ASRGL1: variants seen among roughly 807,000 people sequenced by gnomAD.
ASRGL1 encodes the protein isoaspartyl peptidase/L-asparaginase.
Under a neutral mutation model 22.4 loss-of-function variants are expected in ASRGL1, and 16 were observed. The ratio of observed to expected loss-of-function variants is 0.71; its 90% CI spans 0.48 to 1.08. ASRGL1 has a LOEUF of 1.08. ASRGL1 is among the 50% of genes least tolerant of loss of function. The probability of loss-of-function intolerance (pLI) is 0.00; values close to 1 mark genes in which losing one functional copy is unlikely to be tolerated. For synonymous variants in ASRGL1, 165 were observed against 159.3 expected (o/e 1.04, Z -0.27); for missense variants, 412 against 410.1 (o/e 1.00, Z -0.04).
chr11:62,346,154 C>T (rs953577304), intron 2 of ASRGL1, among the ~76,000 whole-genome samples: 1 of 152,200 alleles, frequency 6.6e-6, no homozygotes, highest in African/African-American at 2.4e-5. Context: ...CTTGTCACTT[C>T]TACTTCCGAC....
At position 62,338,020 on chromosome 11, in the gene ASRGL1, A is replaced by G. The variant is rs1427973839; in HGVS notation, c.43A>G (p.Ile15Val). ...VVVHGGGAGPISKDRKERVHQ... is the reference protein window; with the variant it reads ...VVVHGGGAGPVSKDRKERVHQ... Reference sequence around the variant, plus strand: ...GGTCCACGGCGGCGGAGCCGGTCCCATCTCCAAGGATCGGAAGGAGCGAGT... The same window carrying G: ...GGTCCACGGCGGCGGAGCCGGTCCCGTCTCCAAGGATCGGAAGGAGCGAGT... Residue 15 changes from isoleucine to valine, a missense_variant, in exon 2 of 7, where the codon ATC becomes GTC. Transcript: ENST00000415229. 1 of 1,607,386 alleles carries G rather than the reference A, an allele frequency of 6.2e-7. No individual in the cohort carries two copies. Among genetic ancestry groups the G allele is most frequent in the Non-Finnish European group, 8.5e-7 (1 of 1,177,482 alleles).
At chr11:62,352,019 A>G (rs564833653) in intron 2 of ASRGL1, among the ~76,000 whole-genome samples, 10 of 152,154 alleles carry the variant, frequency 6.6e-5, no homozygotes, top group African/African-American at 2.4e-4. Flanking sequence ...GCTGGCAACA[A>G]ATTGTTTCCA....
intron 4 of ASRGL1, chr11:62,382,485 C>T (rs1947095808): frequency 6.6e-6 from 1 of 151,996 alleles, no homozygotes; most frequent in African/African-American, 2.4e-5. Flanking sequence ...GCACCTCTCA[C>T]CTCCAGCCCT....
chr11:62,373,280 C>T, intron 4 of ASRGL1: 1 of 675,550 alleles, frequency 1.5e-6, no homozygotes. Context: ...CAAAAGTGGA[C>T]CGAAGGTGCA....
At chr11:62,341,543 C>A (rs1390383909) in intron 2 of ASRGL1, among the ~76,000 whole-genome samples, 1 of 151,998 alleles carries the variant, frequency 6.6e-6, no homozygotes, top group African/African-American at 2.4e-5. Flanking sequence ...TCTGGACTTA[C>A]AATGTAGAAT....
chr11:62,359,121 C>A (rs1036205004), intron 4 of ASRGL1, among the ~76,000 whole-genome samples: 13 of 152,114 alleles, frequency 8.5e-5, no homozygotes, highest in African/African-American at 3.1e-4. Context: ...TGTTACTCTT[C>A]AGTTTGTGTA....
At chr11:62,349,157 C>CG (rs1946109935) in intron 2 of ASRGL1, among the ~76,000 whole-genome samples, 2 of 151,960 alleles carry the variant, frequency 1.3e-5, no homozygotes, top group African/African-American at 2.4e-5. Flanking sequence ...TTAGTAGAGA[C>CG]GGGGTTTCAC....
the ASRGL1 span, among the ~76,000 whole-genome samples, chr11:62,399,216 C>CA: frequency 6.6e-6 from 1 of 150,532 alleles, no homozygotes; most frequent in African/African-American, 2.4e-5. Context: ...AACTCCAACT[C>CA]AAAAAAAAAG....
chr11:62,380,755 A>G (rs1227370062), intron 4 of ASRGL1, among the ~76,000 whole-genome samples: 1 of 152,030 alleles, frequency 6.6e-6, no homozygotes, highest in Non-Finnish European at 1.5e-5. Flanking sequence ...TCCCTCTTTC[A>G]TATCTTTTAA....
At chr11:62,349,586 C>T (rs1299050209) in intron 2 of ASRGL1, among the ~76,000 whole-genome samples, 4 of 152,198 alleles carry the variant, frequency 2.6e-5, no homozygotes, top group Admixed American at 2.6e-4. Flanking sequence ...CTAGCAATCA[C>T]TATCTCTTTC....
chr11:62,354,322 A>C (rs1946229061), intron 2 of ASRGL1, among the ~76,000 whole-genome samples: 1 of 152,232 alleles, frequency 6.6e-6, no homozygotes, highest in Admixed American at 6.5e-5. Context: ...TCCGTTATCT[A>C]TGGGGGATGT....
chr11:62,376,100 CAAAAAAAAAAAA>C (rs35931241), intron 4 of ASRGL1, among the ~76,000 whole-genome samples: 9 of 51,552 alleles, frequency 1.7e-4, no homozygotes, highest in East Asian at 9.3e-4. Flanking sequence ...GACTCCATCT[CAAAAAAAAAAAA>C]AAAAAAAAAA....
chr11:62,354,049 A>G lies in ASRGL1; in HGVS notation c.191-2276A>G, dbSNP rs147496269. 2.3e-3 allele frequency among the ~76,000 whole-genome samples: 350 copies of G among 152,340 alleles called. 1 individual carries two copies. Among genetic ancestry groups the G allele is most frequent in the African/African-American group, 8.1e-3 (336 of 41,582 alleles). ...CTGGCATGTAATCAGGGCAGCAAAC[A>G]CTTACTGTTTGCCTACACATGCTAG... On this transcript the variant is annotated intron_variant, in intron 2 of 6. Coordinates refer to ENST00000415229, the MANE Select transcript of ASRGL1 (RefSeq NM_001083926.2).
chr11:62,369,055 C>A (rs1002664252), intron 4 of ASRGL1, among the ~76,000 whole-genome samples: 1 of 152,084 alleles, frequency 6.6e-6, no homozygotes, highest in Non-Finnish European at 1.5e-5. Flanking sequence ...GGCTGGGGGA[C>A]GGTCAGGTCT....
At chr11:62,372,154 G>C (rs1461101178) in intron 4 of ASRGL1, 1 of 893,208 alleles carries the variant, frequency 1.1e-6, no homozygotes, top group Non-Finnish European at 1.9e-6. Context: ...AGAAGGCGCA[G>C]CTGGGACATG....
intron 4 of ASRGL1, chr11:62,371,084 T>C (rs1359608952): frequency 3.2e-6 from 2 of 617,746 alleles, no homozygotes; most frequent in Non-Finnish European, 5.0e-6. Flanking sequence ...TTTAGTTGCT[T>C]CTCTTCCTTT....
chr11:62,391,215 A>G (rs1947328229), intron 5 of ASRGL1, among the ~76,000 whole-genome samples: 1 of 152,168 alleles, frequency 6.6e-6, no homozygotes, highest in Non-Finnish European at 1.5e-5. Context: ...GGAGACAGGG[A>G]GAGGGTGGCT....
chr11:62,359,662 G>T (rs1402333070), intron 4 of ASRGL1, among the ~76,000 whole-genome samples: 1 of 152,088 alleles, frequency 6.6e-6, no homozygotes, highest in African/African-American at 2.4e-5. Flanking sequence ...TGCAGCTTCT[G>T]TAAGTGCACA....
Position 62,372,982 on chromosome 11 carries a change from T to C in ASRGL1, c.491+15838T>C, listed in dbSNP as rs1025222162. ...ATCAGCTGGGGCCCATCACCGACCTTTGGGGAACTGGGCTACAGGGATCAC... is the reference window on the plus strand; with the variant it reads ...ATCAGCTGGGGCCCATCACCGACCTCTGGGGAACTGGGCTACAGGGATCAC... On this transcript the variant is annotated intron_variant, in intron 4 of 6. Coordinates refer to ENST00000415229, the MANE Select transcript of ASRGL1 (RefSeq NM_001083926.2). 14 of 1,432,796 alleles carry C rather than the reference T, an allele frequency of 9.8e-6. No homozygotes were observed. The African/African-American group carries it at 1.8e-4, about 19-fold the overall frequency. The allele number at this position is 1,432,796 out of a possible 1,614,324, so 88.8% of individuals were successfully genotyped here. A position where few individuals can be genotyped will look rare whatever the true frequency, so the allele number is the denominator to read the frequency against.
Sources: allele counts gnomAD v4.1 joint callset (sites outside exome capture counted in the v4.1 genomes callset), GRCh38; gene constraint gnomAD v4.1.1; transcripts MANE v1.5; gene names NCBI Gene and HGNC (gene_info 2026-07-23, HGNC 2026-07-21).